Variants in CHPT1 observed in about 807,000 individuals in gnomAD.
CHPT1 encodes choline phosphotransferase 1.
A neutral mutation model predicts 47.6 loss-of-function variants in CHPT1; 36 were observed. That is an observed-to-expected ratio of 0.76 (90% CI 0.58 to 1.00). The LOEUF (loss-of-function observed/expected upper bound fraction) is 1.00, where lower values mean the gene tolerates loss of function less well. Among genes scored for constraint, CHPT1 ranks in the 50% least tolerant of loss-of-function variants. The pLI is 0.00. For synonymous variants in CHPT1, 194 were observed against 186.3 expected, an observed-to-expected ratio of 1.04 and a Z score of -0.33; for missense variants, 458 against 498.1, an observed-to-expected ratio of 0.92 and a Z score of 0.77.
intron 1 of CHPT1, among the ~76,000 whole-genome samples, chr12:101,702,471 G>C (rs1390732421): frequency 1.3e-5 from 2 of 151,926 alleles, no homozygotes; most frequent in Admixed American, 1.3e-4. Context: ...CTTAAGAAAT[G>C]GTTTATTCTC....
At chr12:101,716,914 ATT>A (rs5800483) in intron 4 of CHPT1, 102 bp downstream of exon 4, 55,891 of 554,304 alleles carry the variant, frequency 0.1, 3,273 homozygotes, top group African/African-American at 0.21. Flanking sequence ...ATTGTATTTA[ATT>A]TTTTTTTTTT....
At chr12:101,716,705 T>A in intron 3 of CHPT1, 23 bp from the exon 4 acceptor site, 1 of 1,488,370 alleles carries the variant, frequency 6.7e-7, no homozygotes, top group Non-Finnish European at 9.2e-7. Context: ...ACACCTTATC[T>A]ATTCTTTGTC....
At chr12:101,706,394 C>T (rs1357241734) in intron 1 of CHPT1, among the ~76,000 whole-genome samples, 2 of 151,848 alleles carry the variant, frequency 1.3e-5, no homozygotes, top group Non-Finnish European at 2.9e-5. Flanking sequence ...TGTCTCATGC[C>T]CATGAGAGGA....
At chr12:101,728,805 G>T in intron 8 of CHPT1, 96 bp from the exon 9 acceptor site, 1 of 1,438,646 alleles carries the variant, frequency 7.0e-7, no homozygotes, top group Non-Finnish European at 9.6e-7. Context: ...GTCTTACAAT[G>T]AAACAGGTTT....
intron 5 of CHPT1, among the ~76,000 whole-genome samples, chr12:101,722,441 G>A (rs570926347): frequency 1.3e-5 from 2 of 152,062 alleles, no homozygotes; most frequent in East Asian, 3.9e-4. Context: ...AAGCAGTGCC[G>A]AGAGGATACT....
chr12:101,723,197 C>T lies in CHPT1; in HGVS notation c.810C>T (p.His270=), dbSNP rs1951885061. 1 of 1,612,724 alleles carries T rather than the reference C, an allele frequency of 6.2e-7. No homozygotes were observed. The highest frequency in any genetic ancestry group is 8.5e-7 in the Non-Finnish European group (1 of 1,179,060). ...CCAGTGTCTTGTCACCTGGACTCCA[C>T]ATAGGACTAATTATTATACTGGCAA... The part of the protein sequence containing the change: ...AGTSVLSPGL[H]IGLIIILAIM... The change falls in exon 6 of 9, where the codon CAC becomes CAT. Residue 270 remains histidine (H), a synonymous_variant. Coordinates refer to ENST00000229266, the MANE Select transcript of CHPT1 (RefSeq NM_020244.3).
intron 1 of CHPT1, among the ~76,000 whole-genome samples, chr12:101,712,502 C>T (rs1361035062): frequency 1.1e-4 from 17 of 148,438 alleles, no homozygotes; most frequent in African/African-American, 3.9e-4. Context: ...GTGCCCCATC[C>T]GCTCTTTTCT....
At position 101,698,007 on chromosome 12, in the gene CHPT1, A is replaced by G. The variant is rs369190617; in HGVS notation, c.146A>G (p.Tyr49Cys). Reference protein sequence around the residue: ...VSLLEPPLQLYWTWLLQWIPL... With the variant: ...VSLLEPPLQLCWTWLLQWIPL... ...CTGCTCGAGCCGCCGCTGCAGCTCT[A>G]CTGGACCTGGCTGCTCCAGTGGATC... Residue 49 changes from tyrosine (Y) to cysteine (C), a missense_variant, in exon 1 of 9, where the codon TAC becomes TGC. Tyr to Cys is a radical substitution (Grantham distance 194, BLOSUM62 -2). Coordinates refer to ENST00000229266, the MANE Select transcript of CHPT1 (RefSeq NM_020244.3). 5 of 1,573,646 alleles carry G rather than the reference A, an allele frequency of 3.2e-6. No homozygotes were observed. Among genetic ancestry groups the G allele is most frequent in the South Asian group, 1.1e-5 (1 of 87,270 alleles).
At chr12:101,712,618 G>T (rs1594132003) in intron 1 of CHPT1, among the ~76,000 whole-genome samples, 1 of 148,358 alleles carries the variant, frequency 6.7e-6, no homozygotes. Flanking sequence ...CGTCATTTTG[G>T]ATAGTTTCCA....
intron 1 of CHPT1, among the ~76,000 whole-genome samples, chr12:101,709,988 G>A (rs560070718): frequency 6.7e-6 from 1 of 148,970 alleles, no homozygotes; most frequent in East Asian, 2.0e-4. Flanking sequence ...TTAATAAAAA[G>A]AATATGATAA....
At chr12:101,714,058 A>T (rs766367375) in intron 1 of CHPT1, 32 bp from the exon 2 acceptor site, 4 of 1,500,526 alleles carry the variant, frequency 2.7e-6, no homozygotes, top group Non-Finnish European at 3.7e-6. Flanking sequence ...ATTATCACTT[A>T]ACAATCTTTA....
At chr12:101,718,884 T>G (rs1216579085) in intron 4 of CHPT1, among the ~76,000 whole-genome samples, 1 of 151,938 alleles carries the variant, frequency 6.6e-6, no homozygotes, top group Non-Finnish European at 1.5e-5. Context: ...TATGCGTTTT[T>G]TGTAGTAACT....
rs1951717179 is a variant in CHPT1, at chr12:101,713,106, T to G, written c.274-984T>G. Among the ~76,000 whole-genome samples, 3 of 148,516 alleles carry G rather than the reference T, an allele frequency of 2.0e-5. 1 individual carries two copies. Among genetic ancestry groups the G allele is most frequent in the Non-Finnish European group, 4.5e-5 (3 of 66,432 alleles). On this transcript the variant is annotated intron_variant, in intron 1 of 8. Coordinates refer to ENST00000229266, the MANE Select transcript of CHPT1 (RefSeq NM_020244.3). ...TTGTTAGGGCTGTCCAGAGAAGCCT[T>G]CAGTCTAGGGTTAATTTATGCCTGC...
chr12:101,716,696 C>A, intron 3 of CHPT1, 32 bp from the exon 4 acceptor site: 1 of 1,401,298 alleles, frequency 7.1e-7, no homozygotes, highest in Non-Finnish European at 9.9e-7. Context: ...TATTTACAAA[C>A]ACCTTATCTA....
rs1951885198 is a variant in CHPT1, at chr12:101,723,202, G to A, written c.815G>A (p.Gly272Glu). Residue 272 changes from glycine to glutamate, a missense_variant, in exon 6 of 9, where the codon GGA becomes GAA. Transcript: ENST00000229266. ...GTCTTGTCACCTGGACTCCACATAG[G>A]ACTAATTATTATACTGGCAATAATG... ...TSVLSPGLHI[G>E]LIIILAIMIY... 6.2e-7 allele frequency: 1 copy of A among 1,612,654 alleles called. No homozygotes were observed. The highest frequency in any genetic ancestry group is 1.1e-5 in the South Asian group (1 of 90,936).
At chr12:101,716,116 C>T (rs1489978715) in intron 3 of CHPT1, among the ~76,000 whole-genome samples, 1 of 152,014 alleles carries the variant, frequency 6.6e-6, no homozygotes, top group Non-Finnish European at 1.5e-5. Context: ...TGAGCCTATT[C>T]GTGGAGCATA....
At chr12:101,720,297 AT>A in intron 5 of CHPT1, 43 bp downstream of exon 5, 2 of 1,515,518 alleles carry the variant, frequency 1.3e-6, no homozygotes, top group Non-Finnish European at 1.8e-6. Flanking sequence ...TTTATGATAC[AT>A]TTTCTTATCA....
At chr12:101,708,051 C>CT (rs1487254479) in intron 1 of CHPT1, among the ~76,000 whole-genome samples, 2 of 152,068 alleles carry the variant, frequency 1.3e-5, no homozygotes, top group African/African-American at 4.8e-5. Context: ...TTGCTGTTTG[C>CT]TTTTTTCCAG....
rs146223913 is a variant in CHPT1, at chr12:101,719,909, C to A, written c.649-214C>A. 1,819 of 269,126 alleles carry A rather than the reference C, an allele frequency of 6.8e-3. 13 individuals are homozygous for A. Among genetic ancestry groups the A allele is most frequent in the Admixed American group, 1.0e-2 (189 of 18,908 alleles). 16.7% of individuals were successfully genotyped at this position (269,126 alleles called of 1,614,324 possible). ...TTTCCCCCCTCACTACTGTACTTGG[C>A]TAGTCTACAAAAAATAATAAAAATT... On this transcript the variant is annotated intron_variant, in intron 4 of 8. Transcript: ENST00000229266.
Sources: gnomAD v4.1 joint callset for allele counts (sites outside exome capture counted in the v4.1 genomes callset) on GRCh38, gnomAD v4.1.1 for gene constraint, MANE v1.5 for transcripts, NCBI Gene and HGNC (gene_info 2026-07-23, HGNC 2026-07-21) for gene names.